Variants in OGDH observed in about 807,000 individuals in gnomAD.
OGDH encodes oxoglutarate dehydrogenase.
Under a neutral mutation model 116.6 loss-of-function variants are expected in OGDH, and 38 were observed. The ratio of observed to expected loss-of-function variants is 0.33; its 90% CI spans 0.25 to 0.43. The LOEUF is 0.43. Among genes scored for constraint, OGDH ranks in the 20% least tolerant of loss-of-function variants. The pLI, the probability that OGDH is intolerant of heterozygous loss-of-function variation, is 1.00. For missense variants in OGDH, 825 were observed against 1,357.2 expected, an observed-to-expected ratio of 0.61 and a Z score of 6.16; for synonymous variants, 488 against 533.3, an observed-to-expected ratio of 0.92 and a Z score of 1.17.
At chr7:44,640,896 T>G (rs888883806) in intron 2 of OGDH, among the ~76,000 whole-genome samples, 5 of 138,506 alleles carry the variant, frequency 3.6e-5, no homozygotes, top group Non-Finnish European at 7.7e-5. Flanking sequence ...TTTTTGTGGG[T>G]TTTTTTTTTT....
intron 2 of OGDH, among the ~76,000 whole-genome samples, chr7:44,627,061 A>G (rs1485847956): frequency 1.3e-5 from 2 of 152,264 alleles, no homozygotes; most frequent in South Asian, 2.1e-4. Context: ...CAGTGGTGCA[A>G]TCTCAGCTCA....
chr7:44,619,114 T>C (rs1784912721), intron 1 of OGDH, among the ~76,000 whole-genome samples: 1 of 152,162 alleles, frequency 6.6e-6, no homozygotes. Flanking sequence ...GGGGAGGGTA[T>C]GGAAGCCTCC....
In OGDH at chr7:44,647,830, G is replaced by T. The variant is rs575265185; in HGVS notation, c.517+71G>T. ...CTGTGCCACGACCTGTGGTAGCCAG[G>T]ATGTCCAGGCAGGAGGGAAAGGCTC... On this transcript the variant is annotated intron_variant, in intron 4 of 22. Coordinates refer to ENST00000222673, the MANE Select transcript of OGDH (RefSeq NM_002541.4). The T allele has an allele frequency of 4.2e-5, 50 of 1,179,810 alleles. No individual in the cohort carries two copies. The South Asian group carries it at 6.2e-4, about 15-fold the overall frequency. The allele number at this position is 1,179,810 out of a possible 1,614,324, so 73.1% of individuals were successfully genotyped here.
chr7:44,618,934 G>A (rs769121906), intron 1 of OGDH, among the ~76,000 whole-genome samples: 4 of 152,178 alleles, frequency 2.6e-5, no homozygotes, highest in Non-Finnish European at 4.4e-5. Flanking sequence ...TTCCCCACTC[G>A]GTCTGTTGGT....
In OGDH at chr7:44,694,351, G is replaced by GC; in HGVS notation, c.1516-72dup. On this transcript the variant is annotated intron_variant, in intron 11 of 22. Transcript: ENST00000222673. The surrounding 1 kb of genome is among the most constrained non-coding windows in gnomAD (Gnocchi z 4.2). ...GTGGCCATCACCTAGGAGAGATGGG[G>GC]CAGGTGCCTGAACAGCACTTCTTCC... 6.4e-7 allele frequency: 1 copy of GC among 1,566,862 alleles called. No homozygotes were observed. The highest frequency in any genetic ancestry group is 1.2e-5 in the South Asian group (1 of 86,414).
chr7:44,657,215 C>T (rs572519305), intron 4 of OGDH, among the ~76,000 whole-genome samples: 6 of 152,270 alleles, frequency 3.9e-5, no homozygotes, highest in Middle Eastern at 3.4e-3. Context: ...ACGAGGATTC[C>T]TCCTGTTGCC....
At chr7:44,624,895 C>T (rs1190313311) in intron 2 of OGDH, among the ~76,000 whole-genome samples, 1 of 152,186 alleles carries the variant, frequency 6.6e-6, no homozygotes, top group Admixed American at 6.5e-5. Context: ...AGAGCAGGAC[C>T]TCAGGAAGCT....
rs1047085589 is a variant in OGDH, at chr7:44,675,899, G to A, written c.1027-71G>A. 72 of 1,489,692 alleles carry A rather than the reference G, an allele frequency of 4.8e-5. 1 individual carries two copies. Among genetic ancestry groups the A allele is most frequent in the South Asian group, 4.8e-4 (40 of 82,998 alleles). The allele number at this position is 1,489,692 out of a possible 1,614,324, so 92.3% of individuals were successfully genotyped here. A position where few individuals can be genotyped will look rare whatever the true frequency, so the allele number is the denominator to read the frequency against. On this transcript the variant is annotated intron_variant, in intron 8 of 22. Transcript: ENST00000222673. Reference sequence around the variant, plus strand: ...TCTCAAAAAAAAAAAAAAAATTCCCGTATAAAAGGGCTCTTTTGGAGACTG... The same window carrying A: ...TCTCAAAAAAAAAAAAAAAATTCCCATATAAAAGGGCTCTTTTGGAGACTG...
rs753118358 is a variant in OGDH at position 44,693,856 on chromosome 7, G to A, written c.1367G>A (p.Arg456His). 8 of 1,604,738 alleles carry A rather than the reference G, an allele frequency of 5.0e-6. No individual in the cohort carries two copies. The highest frequency in any genetic ancestry group is 3.4e-5 in the Admixed American group (2 of 59,560). The change falls in exon 11 of 23, where the codon CGC becomes CAC. Residue 456 changes from arginine to histidine, a missense_variant. By Grantham distance (29) the Arg-to-His change is conservative (BLOSUM62 0). This residue lies in a region of OGDH where 146 missense variants were observed against 317.3 expected (regional missense o/e 0.46). Coordinates refer to ENST00000222673, the MANE Select transcript of OGDH (RefSeq NM_002541.4). ...IGFTTDPRMA[R>H]SSPYPTDVAR... ...TTCACCACCGACCCTCGGATGGCCC[G>A]CTCCTCCCCCTACCCCACTGACGTG...
At chr7:44,631,956 G>A (rs1370457616) in intron 2 of OGDH, among the ~76,000 whole-genome samples, 1 of 152,132 alleles carries the variant, frequency 6.6e-6, no homozygotes, top group African/African-American at 2.4e-5. Flanking sequence ...ATTATGCTGT[G>A]CTGTGAAGGA....
intron 12 of OGDH, among the ~76,000 whole-genome samples, chr7:44,695,710 A>G (rs1482081814): frequency 6.6e-6 from 1 of 152,140 alleles, no homozygotes; most frequent in Non-Finnish European, 1.5e-5. Flanking sequence ...TCAAAAAAAA[A>G]AAAAAAAAGT....
chr7:44,615,443 A>G (rs895002977), intron 1 of OGDH, among the ~76,000 whole-genome samples: 1 of 152,084 alleles, frequency 6.6e-6, no homozygotes, highest in East Asian at 1.9e-4. Context: ...GGTCTCCACT[A>G]TCTTATCAGG....
At chr7:44,655,433 G>A (rs923564571) in intron 4 of OGDH, among the ~76,000 whole-genome samples, 3 of 152,204 alleles carry the variant, frequency 2.0e-5, no homozygotes, top group African/African-American at 7.2e-5. Context: ...GCCCTAGGAA[G>A]CAGGCCTGTT....
intron 20 of OGDH, among the ~76,000 whole-genome samples, chr7:44,706,951 C>T (rs375178847): frequency 1.3e-5 from 2 of 152,166 alleles, no homozygotes; most frequent in Non-Finnish European, 2.9e-5. Context: ...CTCTTGTCCC[C>T]GAAGTCTGAG....
chr7:44,695,696 C>T (rs181610036), intron 12 of OGDH, among the ~76,000 whole-genome samples: 2,325 of 146,342 alleles, frequency 0.016, 33 homozygotes, highest in Non-Finnish European at 0.023. Flanking sequence ...AGCATGACTC[C>T]GTCTCAAAAA....
At chr7:44,613,022 AGGCACGTG>A in intron 1 of OGDH, among the ~76,000 whole-genome samples, 1 of 151,616 alleles carries the variant, frequency 6.6e-6, no homozygotes, top group Admixed American at 6.6e-5. Flanking sequence ...CTGGGACTAC[AGGCACGTG>A]CCACCAACGT....
intron 5 of OGDH, among the ~76,000 whole-genome samples, chr7:44,673,264 G>A (rs946203943): frequency 3.9e-5 from 6 of 152,098 alleles, no homozygotes; most frequent in Non-Finnish European, 8.8e-5. Flanking sequence ...GCTGCAACGG[G>A]CTCTGATAGC....
Position 44,691,836 on chromosome 7 carries a change from A to G in OGDH, c.1336-1989A>G, listed in dbSNP as rs538201970. Among the ~76,000 whole-genome samples the G allele has an allele frequency of 6.6e-5, 10 of 151,764 alleles. No homozygotes were observed. In the South Asian group the frequency reaches 2.1e-3, roughly 32 times the overall value. On this transcript the variant is annotated intron_variant, in intron 10 of 22. Transcript: ENST00000222673. ...CTAAAAAAAAAAAATACAAAAAATT[A>G]GCCAGGCATGGTGGCAGGCACCTGT...
At chr7:44,636,786 G>GTTAC (rs1785690397) in intron 2 of OGDH, among the ~76,000 whole-genome samples, 1 of 152,212 alleles carries the variant, frequency 6.6e-6, no homozygotes, top group African/African-American at 2.4e-5. Context: ...AGTGCTTTTA[G>GTTAC]TTACCTAAAA....
Sources: gnomAD v4.1 joint callset for allele counts (sites outside exome capture counted in the v4.1 genomes callset) on GRCh38, gnomAD v4.1.1 for gene constraint, gnomAD v4.1.1 regional missense constraint, Gnocchi (gnomAD v3.1) non-coding constraint, MANE v1.5 for transcripts, NCBI Gene and HGNC (gene_info 2026-07-23, HGNC 2026-07-21) for gene names.